The following ACSM3 variants were observed in gnomAD, a reference collection of about 807,000 sequenced individuals.
ACSM3 encodes the protein acyl-CoA synthetase medium chain family member 3, also known as acyl-coenzyme A synthetase ACSM3, mitochondrial.
ACSM3 carries 61 observed loss-of-function variants against 74.1 expected under a neutral mutation model. The observed-to-expected ratio is 0.82, with a 90% CI of 0.67 to 1.02. ACSM3 has a LOEUF of 1.02. ACSM3 is among the 50% of genes least tolerant of loss of function. ACSM3 has a pLI of 0.00. For synonymous variants in ACSM3, 213 were observed against 241.5 expected, an observed-to-expected ratio of 0.88 and a Z score of 1.09; for missense variants, 660 against 697.0, an observed-to-expected ratio of 0.95 and a Z score of 0.60.
At chr16:20,697,473 C>G (rs2079695716) in intron 1 of ACSM3, among the ~76,000 whole-genome samples, 1 of 151,716 alleles carries the variant, frequency 6.6e-6, no homozygotes, top group Non-Finnish European at 1.5e-5. Flanking sequence ...CATTTTGCCT[C>G]TAAAATGAAG....
chr16:20,777,157 T>C (rs1376707854), intron 3 of ACSM3, among the ~76,000 whole-genome samples: 1 of 152,234 alleles, frequency 6.6e-6, no homozygotes, highest in African/African-American at 2.4e-5. Flanking sequence ...TTATCCAGTA[T>C]TTAACATGCT....
chr16:20,750,333 G>A (rs2079980220), intron 2 of ACSM3, among the ~76,000 whole-genome samples: 1 of 152,018 alleles, frequency 6.6e-6, no homozygotes, highest in African/African-American at 2.4e-5. Context: ...TTTCTTCTGG[G>A]TCCTCAGATT....
At chr16:20,770,845 G>A (rs1039937440) in intron 2 of ACSM3, among the ~76,000 whole-genome samples, 32 of 152,082 alleles carry the variant, frequency 2.1e-4, no homozygotes, top group African/African-American at 7.5e-4. Flanking sequence ...AGGGTAATTA[G>A]GCTACCCATC....
At chr16:20,777,324 A>G in intron 3 of ACSM3, 49 bp from the exon 4 acceptor site, 1 of 1,508,548 alleles carries the variant, frequency 6.6e-7, no homozygotes, top group African/African-American at 1.4e-5. Context: ...CTCTAACATA[A>G]TGAAGAATAA....
intron 1 of ACSM3, chr16:20,711,419 C>A: frequency 2.8e-6 from 2 of 725,510 alleles, no homozygotes; most frequent in Non-Finnish European, 4.3e-6. Flanking sequence ...AAATCTTCCA[C>A]CGTCCACAGA....
intron 12 of ACSM3, among the ~76,000 whole-genome samples, chr16:20,794,925 A>G (rs1344566427): frequency 6.6e-6 from 1 of 152,220 alleles, no homozygotes; most frequent in Non-Finnish European, 1.5e-5. Context: ...AAGATAAAAG[A>G]GACTATCCAA....
At chr16:20,675,964 C>T (rs1474418591) in intron 1 of ACSM3, among the ~76,000 whole-genome samples, 1 of 152,284 alleles carries the variant, frequency 6.6e-6, no homozygotes, top group Middle Eastern at 3.4e-3. Context: ...CTGGCAACTA[C>T]GGAGACAAAA....
intron 1 of ACSM3, chr16:20,739,028 T>A: frequency 1.9e-6 from 3 of 1,614,196 alleles, no homozygotes; most frequent in Non-Finnish European, 2.5e-6. Context: ...CGCATCATCA[T>A]CCTCTCCCTC....
intron 1 of ACSM3, among the ~76,000 whole-genome samples, chr16:20,730,215 GA>G (rs1361580646): frequency 6.6e-6 from 1 of 152,134 alleles, no homozygotes; most frequent in Non-Finnish European, 1.5e-5. Context: ...TAAAAAGGGG[GA>G]ACAGATACTG....
intron 12 of ACSM3, 162 bp from the exon 13 acceptor site, chr16:20,796,208 C>G (rs1039169043): frequency 1.6e-6 from 2 of 1,247,640 alleles, no homozygotes; most frequent in Non-Finnish European, 2.1e-6. Flanking sequence ...AGGTACAGAC[C>G]AGGAAGTGGC....
intron 3 of ACSM3, 93 bp downstream of exon 3, chr16:20,776,142 T>G: frequency 7.3e-7 from 1 of 1,377,302 alleles, no homozygotes; most frequent in Non-Finnish European, 1.0e-6. Context: ...TTTATTTTGT[T>G]GTGGGCTTAT....
intron 1 of ACSM3, chr16:20,676,173 A>T (rs2020265097): frequency 6.6e-6 from 1 of 152,378 alleles, no homozygotes; most frequent in Non-Finnish European, 1.5e-5. Context: ...AAAGGCTGGA[A>T]AAGTCAGGGA....
At chr16:20,709,414 A>AC (rs1202217858) in intron 1 of ACSM3, among the ~76,000 whole-genome samples, 2 of 152,242 alleles carry the variant, frequency 1.3e-5, no homozygotes, top group Non-Finnish European at 2.9e-5. Context: ...TTATTGCTAT[A>AC]CCTATACATG....
intron 9 of ACSM3, among the ~76,000 whole-genome samples, chr16:20,789,244 A>G (rs542364389): frequency 6.6e-6 from 1 of 152,312 alleles, no homozygotes; most frequent in African/African-American, 2.4e-5. Context: ...TTCCAGCTCA[A>G]TCATGCACAG....
intron 1 of ACSM3, among the ~76,000 whole-genome samples, chr16:20,696,695 A>G (rs983822708): frequency 1.1e-4 from 17 of 152,222 alleles, no homozygotes; most frequent in African/African-American, 4.1e-4. Flanking sequence ...GCAATTTGAC[A>G]TGGTAGCTTT....
At chr16:20,685,242 C>T in intron 1 of ACSM3, 1 of 1,614,194 alleles carries the variant, frequency 6.2e-7, no homozygotes, top group Non-Finnish European at 8.5e-7. Context: ...GAACTCGAGG[C>T]AGCATCAAGG....
intron 1 of ACSM3, among the ~76,000 whole-genome samples, chr16:20,706,883 G>A (rs2079729667): frequency 6.6e-6 from 1 of 152,078 alleles, no homozygotes; most frequent in African/African-American, 2.4e-5. Context: ...TGAGTCCCTA[G>A]GGCAGGATTT....
chr16:20,779,922 G>A, intron 4 of ACSM3: 1 of 177,380 alleles, frequency 5.6e-6, no homozygotes, highest in South Asian at 8.0e-5. Context: ...GTGCCACTGT[G>A]CCTGGCTAAT....
At chr16:20,699,236 T>C (rs769390936) in intron 1 of ACSM3, among the ~76,000 whole-genome samples, 1 of 152,190 alleles carries the variant, frequency 6.6e-6, no homozygotes, top group Non-Finnish European at 1.5e-5. Flanking sequence ...TTGATAGTGA[T>C]ATTGCATTGG....
Sources: allele counts gnomAD v4.1 joint callset (sites outside exome capture counted in the v4.1 genomes callset), GRCh38; gene constraint gnomAD v4.1.1; transcripts MANE v1.5; gene names NCBI Gene and HGNC (gene_info 2026-07-23, HGNC 2026-07-21).